Variants in SMG8 observed in about 807,000 individuals in gnomAD.
SMG8 encodes nonsense-mediated mRNA decay factor SMG8.
SMG8 carries 49 observed loss-of-function variants against 82.1 expected under a neutral mutation model. The ratio of observed to expected loss-of-function variants is 0.60; its 90% confidence interval spans 0.47 to 0.76. The LOEUF (loss-of-function observed/expected upper bound fraction) is 0.76, where lower values mean the gene tolerates loss of function less well. Ranked by LOEUF, SMG8 falls within the 30% of genes least tolerant of loss-of-function variation. SMG8 has a pLI of 0.00. For synonymous variants in SMG8, 404 were observed against 430.0 expected, an observed-to-expected ratio of 0.94 and a Z score of 0.75; for missense variants, 969 against 1,166.4, an observed-to-expected ratio of 0.83 and a Z score of 2.46.
At chr17:59,213,764 A>T (rs1398518312) in intron 3 of SMG8, among the ~76,000 whole-genome samples, 163 bp downstream of exon 3, 1 of 152,108 alleles carries the variant, frequency 6.6e-6, no homozygotes, top group African/African-American at 2.4e-5. Context: ...AGGTGGGAGG[A>T]TTGCTTGAGC....
intron 1 of SMG8, 27 bp from the exon 2 acceptor site, chr17:59,212,314 A>G (rs762434937): frequency 4.5e-6 from 7 of 1,543,334 alleles, no homozygotes; most frequent in African/African-American, 1.4e-5. Flanking sequence ...TGTTTATGAA[A>G]TTAATAGTGG....
At position 59,211,065 on chromosome 17, in the gene SMG8, A is replaced by G. The variant is rs2046943729; in HGVS notation, c.1014A>G (p.Ile338Met). The G allele has an allele frequency of 1.2e-6, 2 of 1,614,098 alleles. No individual in the cohort carries two copies. The highest frequency in any genetic ancestry group is 1.7e-6 in the Non-Finnish European group (2 of 1,180,042). ...TVPANQAFVYIVPGSQEEDPV... is the reference protein window; with the variant it reads ...TVPANQAFVYMVPGSQEEDPV... Reference sequence around the variant, plus strand: ...CTGCCAACCAAGCTTTCGTGTACATAGTACCGGGAAGCCAGGAGGAGGACC... The same window carrying G: ...CTGCCAACCAAGCTTTCGTGTACATGGTACCGGGAAGCCAGGAGGAGGACC... The change falls in exon 1 of 4, where the codon ATA becomes ATG. Residue 338 changes from isoleucine (I) to methionine (M), a missense_variant. By Grantham distance (10) the Ile-to-Met change is conservative. Coordinates refer to ENST00000300917, the MANE Select transcript of SMG8 (RefSeq NM_018149.7).
intron 1 of SMG8, chr17:59,212,082 C>T: frequency 4.7e-6 from 2 of 425,074 alleles, no homozygotes; most frequent in Non-Finnish European, 4.1e-6. Context: ...CATATTAACA[C>T]TTTGCCTTGG....
In SMG8 at chr17:59,210,329, G is replaced by C. The variant is rs752578789; in HGVS notation, c.278G>C (p.Arg93Thr). The C allele has an allele frequency of 9.9e-6, 16 of 1,612,684 alleles. No homozygotes were observed. The highest frequency in any genetic ancestry group is 1.3e-5 in the Non-Finnish European group (15 of 1,179,678). The change falls in exon 1 of 4, where the codon AGA (arginine) becomes ACA (threonine). Residue 93 changes from arginine (R) to threonine (T), a missense_variant. Coordinates refer to ENST00000300917, the MANE Select transcript of SMG8 (RefSeq NM_018149.7). ...CCTGGGGATCCAGGACCTGGAATCA[G>C]AACTGAGGCTGGCGCCGTGGGTGAG... ...QDPGDPGPGI[R>T]TEAGAVGEAG...
Position 59,213,132 on chromosome 17 carries a change from A to G in SMG8, c.2309A>G (p.Lys770Arg). 6.2e-7 allele frequency: 1 copy of G among 1,614,228 alleles called. No homozygotes were observed. The highest frequency in any genetic ancestry group is 8.5e-7 in the Non-Finnish European group (1 of 1,180,046). The change falls in exon 3 of 4, where the codon AAA (lysine) becomes AGA (arginine). Residue 770 changes from lysine (K) to arginine (R), a missense_variant. Physicochemically the swap from Lys to Arg is conservative, Grantham distance 26. Transcript: ENST00000300917. ...AAATTCTCCAGCTGGTCTTTGGTTA[A>G]ACTAGGCCCTGCTAAGTCTTATAAC... ...LPKFSSWSLV[K>R]LGPAKSYNFH...
Sources: allele counts gnomAD v4.1 joint callset (sites outside exome capture counted in the v4.1 genomes callset), GRCh38; gene constraint gnomAD v4.1.1; transcripts MANE v1.5; gene names NCBI Gene and HGNC (gene_info 2026-07-23, HGNC 2026-07-21).